The following POMP variants were observed in gnomAD, a reference collection of about 807,000 sequenced individuals.
POMP encodes proteasome maturation protein.
POMP carries 12 observed loss-of-function variants against 20.6 expected under a neutral mutation model. The observed-to-expected ratio is 0.58, with a 90% CI of 0.37 to 0.94. POMP has a LOEUF of 0.94. Ranked by LOEUF, POMP falls within the 40% of genes least tolerant of loss-of-function variation. The probability of loss-of-function intolerance (pLI) is 0.01; values close to 1 mark genes in which losing one functional copy is unlikely to be tolerated. For missense variants in POMP, 136 were observed against 161.1 expected (o/e 0.84, Z 0.84); for synonymous variants, 53 against 55.0 (o/e 0.96, Z 0.16).
chr13:28,668,527 C>G lies in POMP; in HGVS notation c.217C>G (p.Leu73Val). The G allele has an allele frequency of 4.3e-6, 7 of 1,613,164 alleles. No homozygotes were observed. Among genetic ancestry groups the G allele is most frequent in the Non-Finnish European group, 5.9e-6 (7 of 1,179,208 alleles). Reference sequence around the variant, plus strand: ...TTCCACACTGAGAAACATTCAGGGTCTATTTGCTCCGCTAAAATTACAGAT... The same window carrying G: ...TTCCACACTGAGAAACATTCAGGGTGTATTTGCTCCGCTAAAATTACAGAT... ...NFSTLRNIQGLFAPLKLQMEF... is the reference protein window; with the variant it reads ...NFSTLRNIQGVFAPLKLQMEF... Residue 73 changes from leucine (L) to valine (V), a missense_variant, in exon 4 of 6, where the codon CTA (leucine) becomes GTA (valine). Leu to Val is a conservative substitution (Grantham distance 32). Coordinates refer to ENST00000380842, the MANE Select transcript of POMP (RefSeq NM_015932.6).
At chr13:28,677,686 C>T (rs1266530269) in intron 5 of POMP, among the ~76,000 whole-genome samples, 4 of 151,896 alleles carry the variant, frequency 2.6e-5, no homozygotes, top group African/African-American at 9.7e-5. Flanking sequence ...AACTTAAGAA[C>T]TTTGAAAAAA....
At chr13:28,674,950 G>A (rs1175695631) in intron 5 of POMP, among the ~76,000 whole-genome samples, 1 of 151,936 alleles carries the variant, frequency 6.6e-6, no homozygotes, top group Non-Finnish European at 1.5e-5. Context: ...GAGGCAGGAG[G>A]ATCACTTGAG....
At chr13:28,672,206 C>A in intron 4 of POMP, 133 bp from the exon 5 acceptor site, 1 of 728,162 alleles carries the variant, frequency 1.4e-6, no homozygotes, top group Non-Finnish European at 2.5e-6. Flanking sequence ...TTTTTTTCCA[C>A]TTGTTAAATT....
chr13:28,672,481 C>A, intron 5 of POMP, 49 bp downstream of exon 5: 1 of 1,373,276 alleles, frequency 7.3e-7, no homozygotes, highest in Non-Finnish European at 1.0e-6. Context: ...ATTTAAAAGG[C>A]AAACAGCTGC....
chr13:28,661,862 C>T (rs1472376175), intron 1 of POMP, among the ~76,000 whole-genome samples: 3 of 152,024 alleles, frequency 2.0e-5, no homozygotes, highest in Non-Finnish European at 4.4e-5. Context: ...TTTCCTTGTC[C>T]TCAGGGAATA....
At chr13:28,664,603 C>G (rs1566107361) in intron 3 of POMP, 34 bp downstream of exon 3, 2 of 1,193,234 alleles carry the variant, frequency 1.7e-6, no homozygotes, top group Admixed American at 1.9e-5. Context: ...TTTTTATCTT[C>G]TAATAGATAA....
chr13:28,674,203 G>A (rs1771188), intron 5 of POMP, among the ~76,000 whole-genome samples: 6,780 of 152,308 alleles, frequency 0.045, 509 homozygotes, highest in African/African-American at 0.15. Flanking sequence ...CAGAAGACAA[G>A]AGACTCCTAA....
At chr13:28,659,232 C>T in intron 1 of POMP, 45 bp downstream of exon 1, 1 of 1,571,162 alleles carries the variant, frequency 6.4e-7, no homozygotes, top group Non-Finnish European at 8.6e-7. Flanking sequence ...GGGCTCGGGA[C>T]CGTGGCTCGG....
intron 3 of POMP, among the ~76,000 whole-genome samples, chr13:28,665,620 A>G (rs2137792751): frequency 6.6e-6 from 1 of 152,304 alleles, no homozygotes; most frequent in South Asian, 2.1e-4. Context: ...AAAAAATAAG[A>G]TTGTCTGTGG....
intron 5 of POMP, among the ~76,000 whole-genome samples, chr13:28,674,558 A>G (rs540208455): frequency 7.9e-5 from 12 of 152,358 alleles, no homozygotes; most frequent in Admixed American, 5.2e-4. Context: ...AAGAAGGCCC[A>G]TATGGCTGGC....
At chr13:28,664,707 T>C (rs996753735) in intron 3 of POMP, 138 bp downstream of exon 3, 2 of 601,706 alleles carry the variant, frequency 3.3e-6, no homozygotes, top group Non-Finnish European at 5.9e-6. Flanking sequence ...TCAAACCCCT[T>C]GTAGGATAGA....
intron 5 of POMP, among the ~76,000 whole-genome samples, chr13:28,674,290 A>T (rs895363500): frequency 6.6e-6 from 1 of 152,168 alleles, no homozygotes; most frequent in Admixed American, 6.5e-5. Flanking sequence ...CCCACTTCCT[A>T]TGGGGCAGCT....
At chr13:28,677,253 A>G (rs1285797791) in intron 5 of POMP, among the ~76,000 whole-genome samples, 1 of 151,084 alleles carries the variant, frequency 6.6e-6, no homozygotes, top group Non-Finnish European at 1.5e-5. Context: ...ACAGCAGTTT[A>G]TTAATCTCCA....
At chr13:28,659,773 C>G (rs1414651062) in intron 1 of POMP, 2 of 153,272 alleles carry the variant, frequency 1.3e-5, no homozygotes, top group East Asian at 3.8e-4. Flanking sequence ...AGTATATCTC[C>G]TCCCTCCTTC....
chr13:28,670,430 CT>C (rs767878297), intron 4 of POMP, among the ~76,000 whole-genome samples: 72 of 152,210 alleles, frequency 4.7e-4, no homozygotes, highest in Non-Finnish European at 8.4e-4. Context: ...GTCCTTGCCC[CT>C]GTCAGACTTC....
intron 1 of POMP, among the ~76,000 whole-genome samples, chr13:28,660,182 G>C (rs1221989507): frequency 6.6e-6 from 1 of 152,216 alleles, no homozygotes; most frequent in Non-Finnish European, 1.5e-5. Flanking sequence ...ATATAGGGAA[G>C]TAATAGAAGA....
chr13:28,663,131 T>G (rs1319069712), intron 2 of POMP, among the ~76,000 whole-genome samples: 3 of 152,160 alleles, frequency 2.0e-5, no homozygotes, highest in Non-Finnish European at 4.4e-5. Context: ...ACGCCATGTT[T>G]TTGATTTCCT....
At chr13:28,669,341 G>A (rs1277835570) in intron 4 of POMP, among the ~76,000 whole-genome samples, 2 of 151,812 alleles carry the variant, frequency 1.3e-5, no homozygotes, top group Admixed American at 1.3e-4. Context: ...ACTAATAATG[G>A]CTTCTTCCTT....
intron 3 of POMP, among the ~76,000 whole-genome samples, chr13:28,666,122 A>C (rs1371062331): frequency 6.6e-6 from 1 of 152,358 alleles, no homozygotes; most frequent in East Asian, 1.9e-4. Flanking sequence ...ACCAAAGTCT[A>C]GACCAAAATT....
Sources: allele counts gnomAD v4.1 joint callset (sites outside exome capture counted in the v4.1 genomes callset), GRCh38; gene constraint gnomAD v4.1.1; transcripts MANE v1.5; gene names NCBI Gene and HGNC (gene_info 2026-07-23, HGNC 2026-07-21).